BMAL2: variants seen among roughly 807,000 people sequenced by gnomAD.
BMAL2 encodes the protein basic helix-loop-helix ARNT like 2, also known as basic helix-loop-helix ARNT-like protein 2.
the BMAL2 span, among the ~76,000 whole-genome samples, chr12:27,358,054 CTT>C: frequency 6.6e-5 from 10 of 151,580 alleles, no homozygotes; most frequent in South Asian, 1.0e-3. Flanking sequence ...ATAGATGAGA[CTT>C]AATTAAACTA....
At chr12:27,382,796 A>G in the BMAL2 span, among the ~76,000 whole-genome samples, 1 of 152,112 alleles carries the variant, frequency 6.6e-6, no homozygotes, top group East Asian at 1.9e-4. Flanking sequence ...TGGTGATGTG[A>G]TTTTTTTCAC....
At chr12:27,418,604 G>GA in the BMAL2 span, among the ~76,000 whole-genome samples, 508 of 146,170 alleles carry the variant, frequency 3.5e-3, 2 homozygotes, top group African/African-American at 0.012. Context: ...GACCTTGTCT[G>GA]AAAAAAAAAA....
chr12:27,421,255 C>T, the BMAL2 span: 1 of 152,092 alleles, frequency 6.6e-6, no homozygotes, highest in Non-Finnish European at 1.5e-5. Flanking sequence ...ATAAGATTTA[C>T]TCTTAATAGG....
chr12:27,341,776 C>T, the BMAL2 span, among the ~76,000 whole-genome samples: 1 of 152,144 alleles, frequency 6.6e-6, no homozygotes, highest in Non-Finnish European at 1.5e-5. Context: ...GCTGAAGACC[C>T]TCAGCCTTGA....
At chr12:27,404,866 G>T in the BMAL2 span, among the ~76,000 whole-genome samples, 1 of 152,214 alleles carries the variant, frequency 6.6e-6, no homozygotes. Context: ...AGGGGTGACA[G>T]ATGGGCACCT....
chr12:27,415,957 C>A, the BMAL2 span: 2 of 1,512,536 alleles, frequency 1.3e-6, no homozygotes, highest in Non-Finnish European at 1.8e-6. Flanking sequence ...TGTAAGTATA[C>A]TTGTAAATGA....
the BMAL2 span, among the ~76,000 whole-genome samples, chr12:27,412,227 A>C: frequency 1.3e-5 from 2 of 152,184 alleles, no homozygotes; most frequent in African/African-American, 2.4e-5. Context: ...GGTACTATTA[A>C]ATGTTCAGCA....
chr12:27,361,871 C>T, the BMAL2 span, among the ~76,000 whole-genome samples: 8 of 152,124 alleles, frequency 5.3e-5, no homozygotes, highest in Non-Finnish European at 1.2e-4. Flanking sequence ...CAATACTCCC[C>T]ACCCATTAAT....
At chr12:27,419,711 A>G in the BMAL2 span, among the ~76,000 whole-genome samples, 2 of 152,158 alleles carry the variant, frequency 1.3e-5, no homozygotes, top group African/African-American at 4.8e-5. Context: ...ATCCACTTTA[A>G]ACACACATAG....
chr12:27,333,108 G>A, the BMAL2 span: 3 of 1,205,284 alleles, frequency 2.5e-6, no homozygotes, highest in Admixed American at 8.8e-5. Flanking sequence ...CGGGAGGTGA[G>A]GTTGCCGGTG....
chr12:27,351,225 C>G, the BMAL2 span, among the ~76,000 whole-genome samples: 1 of 151,960 alleles, frequency 6.6e-6, no homozygotes, highest in African/African-American at 2.4e-5. Flanking sequence ...TGGACTCAAG[C>G]AATCCTCCTG....
the BMAL2 span, among the ~76,000 whole-genome samples, chr12:27,400,987 A>G: frequency 6.6e-6 from 1 of 152,202 alleles, no homozygotes; most frequent in Non-Finnish European, 1.5e-5. Flanking sequence ...GTGGTGCAGA[A>G]ACTGGGCATG....
At chr12:27,332,990 C>A in the BMAL2 span, 1 of 1,103,978 alleles carries the variant, frequency 9.1e-7, no homozygotes, top group Non-Finnish European at 1.1e-6. Flanking sequence ...CCAGAGCCGC[C>A]GCCTGGGCCG....
At chr12:27,357,749 ACAT>A in the BMAL2 span, among the ~76,000 whole-genome samples, 2 of 152,166 alleles carry the variant, frequency 1.3e-5, no homozygotes, top group Admixed American at 1.3e-4. Context: ...ATAAACAAAA[ACAT>A]AAAGTGGGGA....
the BMAL2 span, chr12:27,394,612 T>C: frequency 0.016 from 2,492 of 152,374 alleles, 30 homozygotes; most frequent in Non-Finnish European, 0.028. Context: ...CATTATAATC[T>C]TTCTCTTTTA....
At chr12:27,375,624 G>T in the BMAL2 span, among the ~76,000 whole-genome samples, 1 of 152,156 alleles carries the variant, frequency 6.6e-6, no homozygotes, top group Non-Finnish European at 1.5e-5. Context: ...TTACTTCCAG[G>T]TGGCATTATG....
chr12:27,370,333 A>G, the BMAL2 span: 1 of 806,572 alleles, frequency 1.2e-6, no homozygotes, highest in Non-Finnish European at 2.0e-6. Context: ...CTCATCATCT[A>G]TCCCAGAGCT....
chr12:27,392,675 G>A, the BMAL2 span, among the ~76,000 whole-genome samples: 10 of 147,806 alleles, frequency 6.8e-5, no homozygotes, highest in Non-Finnish European at 1.1e-4. Context: ...ACAGAAATCC[G>A]TAAGAGGAAA....
At chr12:27,374,103 A>G in the BMAL2 span, among the ~76,000 whole-genome samples, 1 of 152,178 alleles carries the variant, frequency 6.6e-6, no homozygotes, top group East Asian at 1.9e-4. Flanking sequence ...CAAGGAGGCA[A>G]ATTCACTCAG....
Sources: gnomAD v4.1 joint callset for allele counts (sites outside exome capture counted in the v4.1 genomes callset) on GRCh38, gnomAD v4.1.1 for gene constraint, MANE v1.5 for transcripts, NCBI Gene and HGNC (gene_info 2026-07-23, HGNC 2026-07-21) for gene names.